Variants in CBLN2 observed in about 807,000 individuals in gnomAD.
The protein encoded by CBLN2 is cerebellin 2 precursor.
CBLN2 carries 7 observed loss-of-function variants against 15.0 expected under a neutral mutation model. The observed-to-expected ratio is 0.47, with a 90% CI of 0.27 to 0.88. The LOEUF is 0.88. Ranked by LOEUF, CBLN2 falls within the 40% of genes least tolerant of loss-of-function variation. The pLI, the probability that CBLN2 is intolerant of heterozygous loss-of-function variation, is 0.14. For missense variants in CBLN2, 242 were observed against 304.5 expected (o/e 0.79, Z 1.53); for synonymous variants, 149 against 135.2 (o/e 1.10, Z -0.71).
At chr18:72,582,970 T>C (rs1002857674) in intron 1 of CBLN2, among the ~76,000 whole-genome samples, 7 of 152,210 alleles carry the variant, frequency 4.6e-5, no homozygotes, top group Non-Finnish European at 8.8e-5. Context: ...GGCAGGGTCT[T>C]CTTGCACCCT....
chr18:72,638,151 G>C (rs182044577), intron 1 of CBLN2, among the ~76,000 whole-genome samples: 22 of 152,340 alleles, frequency 1.4e-4, no homozygotes, highest in African/African-American at 4.8e-4. Context: ...GTGGCTTCCA[G>C]TAAGTTCCAA....
upstream of CBLN2, among the ~76,000 whole-genome samples, chr18:72,546,872 A>T (rs12967677): frequency 0.02 from 3,005 of 152,278 alleles, 81 homozygotes; most frequent in East Asian, 0.13. Context: ...TCTGTCTCTC[A>T]TGGAACTTAA....
intron 1 of CBLN2, among the ~76,000 whole-genome samples, chr18:72,615,699 T>G (rs1342393002): frequency 1.3e-5 from 2 of 152,174 alleles, no homozygotes; most frequent in African/African-American, 4.8e-5. Flanking sequence ...TTTGTTTTGT[T>G]TTTTATGATT....
intron 1 of CBLN2, among the ~76,000 whole-genome samples, chr18:72,616,550 G>T (rs1045937493): frequency 1.3e-4 from 20 of 152,156 alleles, no homozygotes; most frequent in African/African-American, 4.1e-4. Context: ...TGGTAGTGTG[G>T]AAAGGATATG....
chr18:72,613,573 T>C (rs2069638119), intron 1 of CBLN2, among the ~76,000 whole-genome samples: 1 of 152,188 alleles, frequency 6.6e-6, no homozygotes, highest in Non-Finnish European at 1.5e-5. Flanking sequence ...CAAGCTTTGC[T>C]ATTTGCAATA....
At chr18:72,603,299 G>C (rs2069561450) in intron 1 of CBLN2, among the ~76,000 whole-genome samples, 1 of 152,202 alleles carries the variant, frequency 6.6e-6, no homozygotes, top group South Asian at 2.1e-4. Context: ...ATTAGCACTT[G>C]AAATAACTGA....
At chr18:72,558,483 T>C (rs2069240347) in intron 1 of CBLN2, among the ~76,000 whole-genome samples, 1 of 152,180 alleles carries the variant, frequency 6.6e-6, no homozygotes, top group African/African-American at 2.4e-5. Context: ...CAAACCCTTC[T>C]AGTGGATCCT....
At chr18:72,557,372 G>A (rs900643854) in intron 1 of CBLN2, among the ~76,000 whole-genome samples, 2 of 152,040 alleles carry the variant, frequency 1.3e-5, no homozygotes, top group Non-Finnish European at 2.9e-5. Context: ...ATAATATAAT[G>A]ATTTATATTC....
At chr18:72,545,871 C>T (rs906480308), upstream of CBLN2, among the ~76,000 whole-genome samples, 1 of 152,198 alleles carries the variant, frequency 6.6e-6, no homozygotes, top group African/African-American at 2.4e-5. Flanking sequence ...AATGCAAGCA[C>T]ACATGAACTA....
At chr18:72,611,633 T>C (rs2069623229) in intron 1 of CBLN2, among the ~76,000 whole-genome samples, 1 of 152,220 alleles carries the variant, frequency 6.6e-6, no homozygotes, top group Non-Finnish European at 1.5e-5. Context: ...TTATAGATTA[T>C]GGATATTAGA....
At chr18:72,594,443 T>C (rs555245881) in intron 1 of CBLN2, among the ~76,000 whole-genome samples, 73 of 150,202 alleles carry the variant, frequency 4.9e-4, no homozygotes, top group African/African-American at 1.6e-3. Context: ...CCTGTAGTTC[T>C]CTTTTTTTTT....
At chr18:72,547,944 T>G (rs2069168735), upstream of CBLN2, among the ~76,000 whole-genome samples, 1 of 152,222 alleles carries the variant, frequency 6.6e-6, no homozygotes, top group Non-Finnish European at 1.5e-5. Context: ...CATCCGGCGA[T>G]TGTTCTGCTC....
chr18:72,554,826 A>C (rs1203271056), intron 1 of CBLN2, among the ~76,000 whole-genome samples: 1 of 152,034 alleles, frequency 6.6e-6, no homozygotes, highest in Non-Finnish European at 1.5e-5. Flanking sequence ...CCCCTTGCTG[A>C]TATTGATTAA....
rs1263588197 is a variant in CBLN2 at position 72,543,762 on chromosome 18, C to T, written c.-212+215G>A. ...CGCCCCGCGCTGTGCGCCCAGGTGC[C>T]TCCAACCCCTGGGCTTCGCGCCCGC... On this transcript the variant is annotated intron_variant, in intron 1 of 4. Transcript: ENST00000269503. The surrounding 1 kb of genome is among the most constrained non-coding windows in gnomAD (Gnocchi z 6.8). Among the ~76,000 whole-genome samples the T allele has an allele frequency of 6.6e-6, 1 of 151,884 alleles. No individual in the cohort carries two copies. Among genetic ancestry groups the T allele is most frequent in the Non-Finnish European group, 1.5e-5 (1 of 67,960 alleles).
chr18:72,537,962 A>G lies in CBLN2; in HGVS notation c.*214T>C. The G allele has an allele frequency of 1.7e-6, 1 of 593,406 alleles. No individual in the cohort carries two copies. The highest frequency in any genetic ancestry group is 3.0e-6 in the Non-Finnish European group (1 of 333,692). 36.8% of individuals were successfully genotyped at this position (593,406 alleles called of 1,614,324 possible). A position where few individuals can be genotyped will look rare whatever the true frequency, so the allele number is the denominator to read the frequency against. ...ATTTCTCCTTAAGACCTTGTCATCT[A>G]AAACTAATTAGAGGCCAGGTTCCCG... is the stretch of plus-strand genomic sequence containing the variant. On this transcript the variant is annotated 3_prime_UTR_variant, in exon 5 of 5. Coordinates refer to ENST00000269503, the MANE Select transcript of CBLN2 (RefSeq NM_182511.4).
intron 1 of CBLN2, among the ~76,000 whole-genome samples, chr18:72,615,105 A>G (rs1202396762): frequency 7.6e-6 from 1 of 130,986 alleles, no homozygotes; most frequent in East Asian, 2.0e-4. Context: ...ATATATTTAT[A>G]CATTTTAGAA....
Position 72,538,167 on chromosome 18 carries a change from G to A in CBLN2, c.*9C>T, listed in dbSNP as rs1598985739. The A allele has an allele frequency of 2.5e-6, 4 of 1,613,998 alleles. No homozygotes were observed. In the East Asian group the frequency reaches 8.9e-5, roughly 36 times the overall value. ...TTGCCATTCCCCCACCATCTAGGGG[G>A]CTCTGTGTTTATAGAGGAAACACCA... On this transcript the variant is annotated 3_prime_UTR_variant, in exon 5 of 5. Transcript: ENST00000269503.
At chr18:72,623,988 G>C (rs2144969955) in intron 1 of CBLN2, among the ~76,000 whole-genome samples, 1 of 152,170 alleles carries the variant, frequency 6.6e-6, no homozygotes, top group East Asian at 1.9e-4. Flanking sequence ...CTTCACGAGA[G>C]GTTTCTGCAA....
At chr18:72,577,045 T>C (rs2069372489) in intron 1 of CBLN2, among the ~76,000 whole-genome samples, 1 of 147,888 alleles carries the variant, frequency 6.8e-6, no homozygotes, top group African/African-American at 2.4e-5. Context: ...ATAAATTATA[T>C]ATATATAAAT....
Sources: gnomAD v4.1 joint callset for allele counts (sites outside exome capture counted in the v4.1 genomes callset) on GRCh38, gnomAD v4.1.1 for gene constraint, Gnocchi (gnomAD v3.1) non-coding constraint, MANE v1.5 for transcripts, NCBI Gene and HGNC (gene_info 2026-07-23, HGNC 2026-07-21) for gene names.